PDE1A: variants seen among roughly 807,000 people sequenced by gnomAD.
PDE1A encodes the protein phosphodiesterase 1A.
A neutral mutation model predicts 61.7 loss-of-function variants in PDE1A; 35 were observed. The observed-to-expected ratio is 0.57, with a 90% CI of 0.43 to 0.75. The LOEUF (loss-of-function observed/expected upper bound fraction) is 0.75, where lower values mean the gene tolerates loss of function less well. Among genes scored for constraint, PDE1A ranks in the 30% least tolerant of loss-of-function variants. PDE1A has a pLI of 0.00. For synonymous variants in PDE1A, 232 were observed against 213.2 expected (o/e 1.09, Z -0.77); for missense variants, 597 against 630.6 (o/e 0.95, Z 0.57).
chr2:182,146,223 T>A (rs970633158), downstream of PDE1A, among the ~76,000 whole-genome samples: 4 of 152,122 alleles, frequency 2.6e-5, no homozygotes, highest in Non-Finnish European at 4.4e-5. Context: ...AAGGCATCAC[T>A]CCCAGAGTTA....
chr2:182,652,445 C>T, the PDE1A span, among the ~76,000 whole-genome samples: 5 of 152,110 alleles, frequency 3.3e-5, no homozygotes, highest in South Asian at 2.1e-4. Flanking sequence ...TCATCCTCAG[C>T]GTCAGAGGAA....
the PDE1A span, among the ~76,000 whole-genome samples, chr2:182,595,998 C>T: frequency 1.3e-5 from 2 of 152,126 alleles, no homozygotes; most frequent in Admixed American, 6.6e-5. Context: ...AAAGGAGTAA[C>T]TTAAAGTAGG....
intron 13 of PDE1A, 93 bp from the exon 14 acceptor site, chr2:182,147,245 T>C (rs1357033775): frequency 6.3e-6 from 4 of 632,388 alleles, no homozygotes; most frequent in Non-Finnish European, 1.1e-5. Flanking sequence ...TTATAAAATG[T>C]TGAAGACTGA....
chr2:182,701,513 T>C, the PDE1A span, among the ~76,000 whole-genome samples: 31 of 152,020 alleles, frequency 2.0e-4, no homozygotes, highest in Admixed American at 1.8e-3. Flanking sequence ...CCCAAGTAGC[T>C]GGGATTACAG....
the PDE1A span, among the ~76,000 whole-genome samples, chr2:182,591,277 A>G: frequency 5.3e-5 from 8 of 152,214 alleles, no homozygotes; most frequent in Admixed American, 1.3e-4. Context: ...TAAGTCTCAG[A>G]TCAAATTCTG....
chr2:182,332,359 A>T (rs189949581), intron 1 of PDE1A, among the ~76,000 whole-genome samples: 1 of 152,084 alleles, frequency 6.6e-6, no homozygotes, highest in Admixed American at 6.5e-5. Flanking sequence ...CTGTCAATTC[A>T]TCAAACTCAT....
intron 2 of PDE1A, among the ~76,000 whole-genome samples, chr2:182,509,303 T>A (rs968911974): frequency 1.3e-5 from 2 of 152,172 alleles, no homozygotes; most frequent in South Asian, 2.1e-4. Context: ...GTAGCACATG[T>A]CCTAGAGAAG....
chr2:182,478,447 T>C (rs1353977988), intron 2 of PDE1A, among the ~76,000 whole-genome samples: 1 of 151,872 alleles, frequency 6.6e-6, no homozygotes, highest in African/African-American at 2.4e-5. Flanking sequence ...CAAGGTGCTT[T>C]AATAGATGAA....
intron 2 of PDE1A, among the ~76,000 whole-genome samples, chr2:182,455,118 A>C (rs1685815984): frequency 6.6e-6 from 1 of 151,978 alleles, no homozygotes; most frequent in African/African-American, 2.4e-5. Flanking sequence ...ACACTTCTCA[A>C]AAGAAGACAT....
At chr2:182,166,468 C>G (rs1004315838), downstream of PDE1A, among the ~76,000 whole-genome samples, 1 of 152,176 alleles carries the variant, frequency 6.6e-6, no homozygotes, top group Non-Finnish European at 1.5e-5. Flanking sequence ...CCTTTGGACC[C>G]TGAGACTTGT....
intron 1 of PDE1A, among the ~76,000 whole-genome samples, chr2:182,404,769 T>C (rs1277101825): frequency 6.6e-6 from 1 of 152,200 alleles, no homozygotes; most frequent in African/African-American, 2.4e-5. Context: ...TGGAAGTTTT[T>C]TGGGGGCAAT....
intron 2 of PDE1A, among the ~76,000 whole-genome samples, chr2:182,514,457 T>C (rs1011436946): frequency 6.6e-6 from 1 of 152,098 alleles, no homozygotes; most frequent in Non-Finnish European, 1.5e-5. Context: ...CAAAACAGCA[T>C]GGCACTGGTA....
intron 11 of PDE1A, among the ~76,000 whole-genome samples, chr2:182,187,467 A>G (rs1361120236): frequency 6.6e-6 from 1 of 152,174 alleles, no homozygotes; most frequent in Admixed American, 6.5e-5. Flanking sequence ...CACTTCTGAG[A>G]GCAATGGACT....
chr2:182,712,371 G>A, the PDE1A span, among the ~76,000 whole-genome samples: 1 of 152,164 alleles, frequency 6.6e-6, no homozygotes, highest in South Asian at 2.1e-4. Flanking sequence ...AGATATCAGT[G>A]TTAATTTCTG....
At chr2:182,655,797 T>A in the PDE1A span, among the ~76,000 whole-genome samples, 1 of 152,226 alleles carries the variant, frequency 6.6e-6, no homozygotes, top group African/African-American at 2.4e-5. Context: ...ATGTCTTCAT[T>A]CCAGTTCTCA....
At chr2:182,656,594 A>G in the PDE1A span, among the ~76,000 whole-genome samples, 348 of 152,324 alleles carry the variant, frequency 2.3e-3, 2 homozygotes, top group African/African-American at 8.0e-3. Context: ...ATGGAAACGA[A>G]TCTTTAAAAT....
At chr2:182,650,643 C>G in the PDE1A span, among the ~76,000 whole-genome samples, 3 of 152,126 alleles carry the variant, frequency 2.0e-5, no homozygotes, top group Admixed American at 6.5e-5. Context: ...AACAGTTATA[C>G]AAGGTAATTA....
chr2:182,501,638 T>C (rs1689088867), intron 2 of PDE1A, among the ~76,000 whole-genome samples: 1 of 152,224 alleles, frequency 6.6e-6, no homozygotes, highest in South Asian at 2.1e-4. Context: ...ATGTGTTTAT[T>C]ATATCATTTT....
At chr2:182,689,774 A>G in the PDE1A span, among the ~76,000 whole-genome samples, 1 of 152,244 alleles carries the variant, frequency 6.6e-6, no homozygotes, top group African/African-American at 2.4e-5. Context: ...AAATTGATAG[A>G]CCGCTAGCAA....
Sources: allele counts gnomAD v4.1 joint callset (sites outside exome capture counted in the v4.1 genomes callset), GRCh38; gene constraint gnomAD v4.1.1; transcripts MANE v1.5; gene names NCBI Gene and HGNC (gene_info 2026-07-23, HGNC 2026-07-21).